The following PYHIN1 variants were observed in gnomAD, a reference collection of about 807,000 sequenced individuals.
The protein encoded by PYHIN1 is pyrin and HIN domain-containing protein 1.
PYHIN1 carries 32 observed loss-of-function variants against 43.7 expected under a neutral mutation model. The ratio of observed to expected loss-of-function variants is 0.73; its 90% CI spans 0.55 to 0.98. The LOEUF is 0.98. Ranked by LOEUF, PYHIN1 falls within the 50% of genes least tolerant of loss-of-function variation. PYHIN1 has a pLI of 0.00. For synonymous variants in PYHIN1, 205 were observed against 203.1 expected, an observed-to-expected ratio of 1.01 and a Z score of -0.08; for missense variants, 588 against 589.5, an observed-to-expected ratio of 1.00 and a Z score of 0.03.
At chr1:158,941,346 T>C (rs1281795656) in intron 4 of PYHIN1, among the ~76,000 whole-genome samples, 1 of 152,182 alleles carries the variant, frequency 6.6e-6, no homozygotes, top group East Asian at 1.9e-4. Context: ...CCTAGAGCCC[T>C]GACATTGAGA....
chr1:158,970,751 A>T (rs888455209), intron 7 of PYHIN1, among the ~76,000 whole-genome samples: 2 of 152,046 alleles, frequency 1.3e-5, no homozygotes, highest in East Asian at 1.9e-4. Flanking sequence ...TACTATAACA[A>T]TGAAAATAAT....
intron 4 of PYHIN1, 181 bp downstream of exon 4, chr1:158,939,428 C>T (rs1648770323): frequency 1.9e-6 from 3 of 1,554,550 alleles, no homozygotes; most frequent in Non-Finnish European, 2.6e-6. Flanking sequence ...TTGACATTAT[C>T]TCTGACTGCA....
rs963112567 is a variant in PYHIN1, at chr1:158,933,989, G to C, written c.-21+2213G>C. Among the ~76,000 whole-genome samples, 3 of 152,098 alleles carry C rather than the reference G, an allele frequency of 2.0e-5. No individual in the cohort carries two copies. The highest frequency in any genetic ancestry group is 1.9e-4 in the East Asian group (1 of 5,198). On this transcript the variant is annotated intron_variant, in intron 1 of 8. Transcript: ENST00000368140. This position sits in a 1 kb window ranked among gnomAD's most constrained non-coding sequence, Gnocchi z 6.3. ...AAAACTACTGAGGCCTTCAGGTTCA[G>C]AGAATAGTTTTTGAGGATCTTATGT...
intron 8 of PYHIN1, 55 bp downstream of exon 8, chr1:158,973,826 T>C: frequency 6.4e-7 from 1 of 1,574,488 alleles, no homozygotes; most frequent in Middle Eastern, 1.7e-4. Flanking sequence ...GTAGGGGTAA[T>C]CAGAGTCTTC....
At chr1:158,956,976 C>G (rs1000205795) in intron 7 of PYHIN1, among the ~76,000 whole-genome samples, 113 of 139,380 alleles carry the variant, frequency 8.1e-4, no homozygotes, top group African/African-American at 2.9e-3. Flanking sequence ...AAACAGAGAG[C>G]CAAATCATGA....
chr1:158,964,991 C>T (rs988643872), intron 7 of PYHIN1, among the ~76,000 whole-genome samples: 3 of 151,968 alleles, frequency 2.0e-5, no homozygotes, highest in Admixed American at 2.0e-4. Flanking sequence ...CTCAAGAGAC[C>T]TGTCTCACAT....
At chr1:158,977,930 G>A (rs1651351176), downstream of PYHIN1, among the ~76,000 whole-genome samples, 1 of 152,066 alleles carries the variant, frequency 6.6e-6, no homozygotes, top group African/African-American at 2.4e-5. Context: ...GATGGAGAAA[G>A]CTGAAAAGAG....
chr1:158,945,133 A>T, intron 7 of PYHIN1, 91 bp downstream of exon 7: 2 of 1,269,106 alleles, frequency 1.6e-6, no homozygotes, highest in South Asian at 3.2e-5. Flanking sequence ...TCTAATCCCT[A>T]ACTGTGTACA....
chr1:158,986,106 T>C, the PYHIN1 span, among the ~76,000 whole-genome samples: 1 of 152,176 alleles, frequency 6.6e-6, no homozygotes, highest in Non-Finnish European at 1.5e-5. Context: ...CTTTCTCCTA[T>C]ATTTCAAGAA....
intron 7 of PYHIN1, among the ~76,000 whole-genome samples, chr1:158,948,264 T>A (rs1374316879): frequency 6.6e-6 from 1 of 152,212 alleles, no homozygotes; most frequent in Non-Finnish European, 1.5e-5. Context: ...CCAGTAGAGA[T>A]AATCTTGCAC....
At chr1:158,960,956 C>T (rs942035337) in intron 7 of PYHIN1, among the ~76,000 whole-genome samples, 1 of 152,114 alleles carries the variant, frequency 6.6e-6, no homozygotes, top group Admixed American at 6.5e-5. Context: ...TAATAAAATA[C>T]TTTCTATACC....
At chr1:158,938,141 G>A (rs570374758) in intron 2 of PYHIN1, among the ~76,000 whole-genome samples, 1 of 152,284 alleles carries the variant, frequency 6.6e-6, no homozygotes, top group African/African-American at 2.4e-5. Context: ...CTGAGCACAT[G>A]GAGTTCAGAG....
intron 4 of PYHIN1, 124 bp downstream of exon 4, chr1:158,939,371 A>C (rs546610851): frequency 6.2e-7 from 1 of 1,601,082 alleles, no homozygotes; most frequent in East Asian, 2.2e-5. Context: ...TAGACTGAGA[A>C]TTCACTGCAT....
At chr1:158,985,183 T>G in the PYHIN1 span, among the ~76,000 whole-genome samples, 1 of 152,190 alleles carries the variant, frequency 6.6e-6, no homozygotes, top group Non-Finnish European at 1.5e-5. Flanking sequence ...TGTAAGGATT[T>G]GATCCTGTCA....
chr1:158,946,570 G>GATAGATAA (rs1557829892), intron 7 of PYHIN1, among the ~76,000 whole-genome samples: 1 of 151,982 alleles, frequency 6.6e-6, no homozygotes, highest in Non-Finnish European at 1.5e-5. Context: ...TAGATAGATA[G>GATAGATAA]ATAGATAGAT....
At chr1:158,974,451 G>A (rs1307828594) in intron 8 of PYHIN1, among the ~76,000 whole-genome samples, 1 of 152,006 alleles carries the variant, frequency 6.6e-6, no homozygotes, top group African/African-American at 2.4e-5. Flanking sequence ...TCAGACAAAG[G>A]TGAACTAATG....
downstream of PYHIN1, among the ~76,000 whole-genome samples, chr1:158,977,797 G>A (rs1041462561): frequency 1.3e-5 from 2 of 152,036 alleles, no homozygotes; most frequent in African/African-American, 2.4e-5. Context: ...ACACTTAGGT[G>A]GTCTTATATA....
At chr1:158,932,189 C>G (rs1648206439) in intron 1 of PYHIN1, among the ~76,000 whole-genome samples, 1 of 152,068 alleles carries the variant, frequency 6.6e-6, no homozygotes, top group South Asian at 2.1e-4. Context: ...AGAACATTAC[C>G]CTAAGTGAAC....
intron 4 of PYHIN1, among the ~76,000 whole-genome samples, chr1:158,940,709 A>T (rs1056395303): frequency 5.3e-5 from 8 of 152,178 alleles, no homozygotes; most frequent in African/African-American, 1.9e-4. Context: ...CTTTTTTCTT[A>T]CATTTGATTT....
Sources: allele counts gnomAD v4.1 joint callset (sites outside exome capture counted in the v4.1 genomes callset), GRCh38; gene constraint gnomAD v4.1.1; non-coding constraint Gnocchi (gnomAD v3.1); transcripts MANE v1.5; gene names NCBI Gene and HGNC (gene_info 2026-07-23, HGNC 2026-07-21).